Variants in RNF212 observed in about 807,000 individuals in gnomAD.
The protein encoded by RNF212 is ring finger protein 212.
Under a neutral mutation model 34.7 loss-of-function variants are expected in RNF212, and 33 were observed. The ratio of observed to expected loss-of-function variants is 0.95; its 90% CI spans 0.72 to 1.27. RNF212 has a LOEUF of 1.27. RNF212 is among the 50% of genes most tolerant of loss of function. The pLI, the probability that RNF212 is intolerant of heterozygous loss-of-function variation, is 0.00. For synonymous variants in RNF212, 140 were observed against 136.1 expected, an observed-to-expected ratio of 1.03 and a Z score of -0.20; for missense variants, 377 against 362.2, an observed-to-expected ratio of 1.04 and a Z score of -0.33.
At chr4:1,066,680 T>C (rs1029869483), downstream of RNF212, among the ~76,000 whole-genome samples, 5 of 152,244 alleles carry the variant, frequency 3.3e-5, no homozygotes, top group East Asian at 3.8e-4. Context: ...TAGTTCTTTA[T>C]GTATTCTGGA....
intron 3 of RNF212, among the ~76,000 whole-genome samples, chr4:1,060,824 T>A (rs1328881509): frequency 6.6e-6 from 1 of 152,092 alleles, no homozygotes; most frequent in Non-Finnish European, 1.5e-5. Context: ...GCTCAGTGAG[T>A]CTGCAGGGCA....
In RNF212 at chr4:1,085,880, G is replaced by A; in HGVS notation, c.362+16C>T. 1 of 1,598,122 alleles carries A rather than the reference G, an allele frequency of 6.3e-7. No individual in the cohort carries two copies. Among genetic ancestry groups the A allele is most frequent in the South Asian group, 1.1e-5 (1 of 90,752 alleles). On this transcript the variant is annotated intron_variant, in intron 5 of 9. Transcript: ENST00000433731. ...GGTGCCTCGACTGCGCACTCACGGG[G>A]GGTGGGGCGCCTTACCTTTGTAGTT... is the stretch of plus-strand genomic sequence containing the variant.
rs1718632398 is a variant in RNF212, at chr4:1,072,660, GATA to G, written c.*211_*213del. ...GCATGAGAACCTATAAAATAAAAGG[GATA>G]ATAACAATATATATGAGTACATAAA... On this transcript the variant is annotated 3_prime_UTR_variant, in exon 10 of 10. Coordinates refer to ENST00000433731, the MANE Select transcript of RNF212 (RefSeq NM_001131034.4). The G allele has an allele frequency of 2.6e-6, 3 of 1,157,390 alleles. No individual in the cohort carries two copies. Among genetic ancestry groups the G allele is most frequent in the South Asian group, 2.6e-5 (1 of 39,056 alleles). 71.7% of individuals were successfully genotyped at this position (1,157,390 alleles called of 1,614,324 possible).
At chr4:1,062,797 C>T (rs1187411630) in intron 3 of RNF212, among the ~76,000 whole-genome samples, 1 of 152,038 alleles carries the variant, frequency 6.6e-6, no homozygotes, top group East Asian at 1.9e-4. Context: ...CATGATTTGC[C>T]ATATACAGAA....
Position 1,073,123 on chromosome 4 carries a change from C to G in RNF212, c.645G>C (p.Glu215Asp). The G allele has an allele frequency of 6.2e-7, 1 of 1,614,216 alleles. No individual in the cohort carries two copies. Among genetic ancestry groups the G allele is most frequent in the South Asian group, 1.1e-5 (1 of 91,088 alleles). The change falls in exon 10 of 10, where the codon GAG becomes GAC. Residue 215 changes from glutamate (E) to aspartate (D), a missense_variant. Coordinates refer to ENST00000433731, the MANE Select transcript of RNF212 (RefSeq NM_001131034.4). ...ATGGTGAACCTCTGGAAATGACACACTCTCCGGGCACAGGGGGCTTAGACA... is the reference window on the plus strand; with the variant it reads ...ATGGTGAACCTCTGGAAATGACACAGTCTCCGGGCACAGGGGGCTTAGACA... ...LTLSKPPVPG[E>D]CVISRGSPCF...
downstream of RNF212, among the ~76,000 whole-genome samples, chr4:1,070,278 C>A (rs1008138794): frequency 4.9e-5 from 7 of 143,936 alleles, no homozygotes; most frequent in Non-Finnish European, 1.0e-4. Context: ...AGCGTGGACG[C>A]CTGGCCTGAG....
At chr4:1,113,593 G>T (rs1726180461), upstream of RNF212, 1 of 625,360 alleles carries the variant, frequency 1.6e-6, no homozygotes. Context: ...GCAGCCCTGC[G>T]CCCGCGCACT....
At chr4:1,060,757 G>A (rs1191881997) in intron 3 of RNF212, among the ~76,000 whole-genome samples, 2 of 152,254 alleles carry the variant, frequency 1.3e-5, no homozygotes, top group African/African-American at 2.4e-5. Context: ...AGGGGACCGC[G>A]TACTGAAGAG....
In RNF212 at chr4:1,108,554, T is replaced by G. The variant is rs1032168880; in HGVS notation, c.110-150A>C. On this transcript the variant is annotated intron_variant, in intron 1 of 9. Transcript: ENST00000433731. The stretch of plus-strand genomic sequence containing the variant: ...TCTGACAGGATGAGGCTGTGGGTAC[T>G]GGTACAGTTGGAAGGATTTATAGAA... 2.7e-5 allele frequency: 12 copies of G among 442,772 alleles called. No homozygotes were observed. The East Asian group carries it at 4.3e-4, about 16-fold the overall frequency. The allele number at this position is 442,772 out of a possible 1,614,324, so 27.4% of individuals were successfully genotyped here.
At chr4:1,065,989 T>C (rs1718067724) in intron 3 of RNF212, among the ~76,000 whole-genome samples, 1 of 151,974 alleles carries the variant, frequency 6.6e-6, no homozygotes, top group Non-Finnish European at 1.5e-5. Context: ...CAATCCTGCC[T>C]CTGTGTTCCA....
At chr4:1,107,645 T>C (rs1161453152) in intron 2 of RNF212, among the ~76,000 whole-genome samples, 2 of 152,120 alleles carry the variant, frequency 1.3e-5, no homozygotes, top group East Asian at 3.9e-4. Flanking sequence ...AGAGATGGGG[T>C]TTCACTGAGT....
intron 4 of RNF212, among the ~76,000 whole-genome samples, chr4:1,057,307 C>T (rs1717392879): frequency 6.6e-6 from 1 of 152,186 alleles, no homozygotes; most frequent in African/African-American, 2.4e-5. Flanking sequence ...TCAAAAGCCA[C>T]TCAAGGGCTC....
chr4:1,091,428 T>C (rs1722169391), intron 3 of RNF212, among the ~76,000 whole-genome samples: 1 of 152,154 alleles, frequency 6.6e-6, no homozygotes, highest in Non-Finnish European at 1.5e-5. Flanking sequence ...AAAAGAGCTA[T>C]TTCGTATGAG....
chr4:1,102,573 C>CA (rs1038952776), intron 2 of RNF212, among the ~76,000 whole-genome samples: 24 of 51,042 alleles, frequency 4.7e-4, no homozygotes, highest in Non-Finnish European at 7.1e-4. Context: ...TACAAAAATA[C>CA]AAAAAAAAAA....
At chr4:1,057,405 T>C (rs1717401295) in intron 4 of RNF212, among the ~76,000 whole-genome samples, 1 of 151,836 alleles carries the variant, frequency 6.6e-6, no homozygotes, top group African/African-American at 2.4e-5. Context: ...CGTCGGTGTG[T>C]GCTTAAATAT....
At chr4:1,066,518 TG>T (rs1442628801), downstream of RNF212, among the ~76,000 whole-genome samples, 4 of 151,158 alleles carry the variant, frequency 2.6e-5, no homozygotes, top group Non-Finnish European at 5.9e-5. Flanking sequence ...TTTGTAGAGA[TG>T]GGGGTTTCAC....
chr4:1,082,663 G>A (rs1240383042), intron 5 of RNF212, among the ~76,000 whole-genome samples: 1 of 152,208 alleles, frequency 6.6e-6, no homozygotes, highest in African/African-American at 2.4e-5. Context: ...GTCCCGGCCC[G>A]ACATACAAGT....
At chr4:1,104,524 C>G (rs971162365) in intron 2 of RNF212, among the ~76,000 whole-genome samples, 3 of 152,172 alleles carry the variant, frequency 2.0e-5, no homozygotes, top group Non-Finnish European at 4.4e-5. Flanking sequence ...ATTGCTCCTG[C>G]TTGCATTTCA....
chr4:1,103,919 A>G (rs1400286634), intron 2 of RNF212, among the ~76,000 whole-genome samples: 2 of 152,244 alleles, frequency 1.3e-5, no homozygotes, highest in African/African-American at 4.8e-5. Flanking sequence ...AGGAATAGAA[A>G]GAGAGATCTA....
Sources: gnomAD v4.1 joint callset for allele counts (sites outside exome capture counted in the v4.1 genomes callset) on GRCh38, gnomAD v4.1.1 for gene constraint, MANE v1.5 for transcripts, NCBI Gene and HGNC (gene_info 2026-07-23, HGNC 2026-07-21) for gene names.